Variants in THAP3 observed in about 807,000 individuals in gnomAD.
THAP3 encodes THAP domain-containing protein 3.
In THAP3, 12 loss-of-function variants were observed where a neutral mutation model predicts 17.7. The ratio of observed to expected loss-of-function variants is 0.68; its 90% CI spans 0.43 to 1.10. The LOEUF is 1.10. Among genes scored for constraint, THAP3 ranks in the 50% least tolerant of loss-of-function variants. The pLI, the probability that THAP3 is intolerant of heterozygous loss-of-function variation, is 0.00. For synonymous variants in THAP3, 133 were observed against 126.9 expected, an observed-to-expected ratio of 1.05 and a Z score of -0.32; for missense variants, 289 against 318.0, an observed-to-expected ratio of 0.91 and a Z score of 0.69.
chr1:6,634,462 C>A, downstream of THAP3: 1 of 1,307,522 alleles, frequency 7.6e-7, no homozygotes, highest in East Asian at 5.0e-5. Flanking sequence ...GGAGGCCTGA[C>A]TTCAGCAACA....
At chr1:6,628,336 G>A in intron 2 of THAP3, 163 bp from the exon 3 acceptor site, 1 of 633,562 alleles carries the variant, frequency 1.6e-6, no homozygotes, top group South Asian at 2.2e-5. Context: ...TTTAACAGCT[G>A]TGACAGAAGC....
chr1:6,633,275 A>G lies in THAP3; in HGVS notation c.*198A>G, dbSNP rs1052041899. On this transcript the variant is annotated 3_prime_UTR_variant, in exon 6 of 6. Coordinates refer to ENST00000054650, the MANE Select transcript of THAP3 (RefSeq NM_001195753.2). ...TCTGGGGGACGTTTAGAGGCGTGGC[A>G]CTAGGAGTGCACATCTGTGAGCATG... 1 of 1,432,540 alleles carries G rather than the reference A, an allele frequency of 7.0e-7. No homozygotes were observed. The allele number at this position is 1,432,540 out of a possible 1,614,324, so 88.7% of individuals were successfully genotyped here.
At chr1:6,634,153 G>GGAA (rs1246395483), downstream of THAP3, 16 of 1,411,990 alleles carry the variant, frequency 1.1e-5, no homozygotes, top group Non-Finnish European at 1.3e-5. Context: ...CACAATACAC[G>GGAA]GAAGAGCGCC....
Position 6,632,840 on chromosome 1 carries a change from G to T in THAP3, c.483G>T (p.Pro161=). Residue 161 remains proline, a synonymous_variant, in exon 6 of 6, where the codon CCG becomes CCT. Transcript: ENST00000054650. ...AAGCAACAGAGGCTGTTGGCCGGCCGACTGGCCCTGCAGGCCTGAGAAGGA... is the reference window on the plus strand; with the variant it reads ...AAGCAACAGAGGCTGTTGGCCGGCCTACTGGCCCTGCAGGCCTGAGAAGGA... ...RPQATEAVGR[P]TGPAGLRRTP... The T allele has an allele frequency of 6.2e-7, 1 of 1,612,940 alleles. No homozygotes were observed.
chr1:6,628,763 G>C, intron 3 of THAP3, 72 bp downstream of exon 3: 3 of 1,477,296 alleles, frequency 2.0e-6, no homozygotes, highest in Non-Finnish European at 2.7e-6. Flanking sequence ...GGGGCAGTGG[G>C]GGTGGCGGCA....
downstream of THAP3, chr1:6,634,292 T>G (rs1641709846): frequency 1.1e-6 from 1 of 900,110 alleles, no homozygotes; most frequent in East Asian, 2.7e-5. Context: ...GGGCCCAGGC[T>G]CATGCAACAC....
At chr1:6,635,514 G>A (rs947064359), downstream of THAP3, 2 of 759,900 alleles carry the variant, frequency 2.6e-6, no homozygotes, top group Middle Eastern at 7.0e-4. Flanking sequence ...CTCAAAAGCT[G>A]GGGTGTCTGC....
intron 3 of THAP3, 58 bp downstream of exon 3, chr1:6,628,749 G>T: frequency 3.3e-6 from 5 of 1,532,646 alleles, no homozygotes; most frequent in Non-Finnish European, 4.4e-6. Context: ...TTTACCAGCA[G>T]CTGGGGGCAG....
chr1:6,634,760 C>CA, downstream of THAP3: 9 of 1,337,220 alleles, frequency 6.7e-6, no homozygotes, highest in Non-Finnish European at 8.9e-6. Flanking sequence ...GCTGGACCTG[C>CA]AGGAGCGGGG....
Position 6,632,940 on chromosome 1 carries a change from ACTCTG to A in THAP3, c.584_588del (p.Thr195LysfsTer4). ...TTCCCTGAAGAAAAAACTCTTCCTC[ACTCTG>A]AAGGAAAATGAAAAGCTCCGGAAGC... On this transcript the variant is annotated frameshift_variant, in exon 6 of 6. Transcript: ENST00000054650. LOFTEE classifies it low-confidence loss of function (END_TRUNC). 6.2e-7 allele frequency: 1 copy of A among 1,612,694 alleles called. No homozygotes were observed. Among genetic ancestry groups the A allele is most frequent in the Non-Finnish European group, 8.5e-7 (1 of 1,179,852 alleles).
downstream of THAP3, chr1:6,634,518 CAGCT>C (rs1264530986): frequency 7.4e-7 from 1 of 1,357,674 alleles, no homozygotes; most frequent in South Asian, 1.2e-5. Flanking sequence ...CCCCCCGCGC[CAGCT>C]GTCTCAGCCA....
downstream of THAP3, chr1:6,634,523 G>T: frequency 2.9e-6 from 4 of 1,360,688 alleles, no homozygotes; most frequent in Non-Finnish European, 3.9e-6. Context: ...CGCGCCAGCT[G>T]TCTCAGCCAC....
rs1295405699 is a variant in THAP3 at position 6,624,923 on chromosome 1, G to C, written c.-101G>C. The C allele has an allele frequency of 2.2e-6, 1 of 447,860 alleles. No homozygotes were observed. The highest frequency in any genetic ancestry group is 4.0e-6 in the Non-Finnish European group (1 of 249,396). The allele number at this position is 447,860 out of a possible 1,614,324, so 27.7% of individuals were successfully genotyped here. On this transcript the variant is annotated 5_prime_UTR_variant, in exon 1 of 6. Coordinates refer to ENST00000054650, the MANE Select transcript of THAP3 (RefSeq NM_001195753.2). ...GTCCTGGTTGGGTGCTCAAAGCAAG[G>C]AGGTGAAAGGCGACCAGCATTGGCG...
At chr1:6,626,237 C>T (rs1369696901) in intron 2 of THAP3, among the ~76,000 whole-genome samples, 1 of 152,116 alleles carries the variant, frequency 6.6e-6, no homozygotes, top group East Asian at 1.9e-4. Context: ...TTGAACCCAG[C>T]TTCGAGGCTG....
intron 2 of THAP3, among the ~76,000 whole-genome samples, chr1:6,626,575 C>G (rs1290059670): frequency 6.6e-6 from 1 of 151,738 alleles, no homozygotes; most frequent in African/African-American, 2.4e-5. Flanking sequence ...TGGTGGCTCA[C>G]GCCTGTAATC....
At chr1:6,630,482 G>A (rs980564953) in intron 4 of THAP3, 129 bp downstream of exon 4, 6 of 852,460 alleles carry the variant, frequency 7.0e-6, no homozygotes, top group Middle Eastern at 3.2e-4. Flanking sequence ...TTGGATTCCC[G>A]GTTTTTCTGG....
At chr1:6,634,228 A>G, downstream of THAP3, 1 of 924,904 alleles carries the variant, frequency 1.1e-6, no homozygotes, top group East Asian at 2.6e-5. Flanking sequence ...TGCAAATGAA[A>G]CGCAGAGGAT....
chr1:6,630,591 T>G (rs1039156317), intron 4 of THAP3, among the ~76,000 whole-genome samples: 1 of 152,208 alleles, frequency 6.6e-6, no homozygotes. Flanking sequence ...TTTCTTTTTT[T>G]TGAGACTGAG....
intron 4 of THAP3, among the ~76,000 whole-genome samples, chr1:6,631,819 G>A (rs183290332): frequency 1.6e-4 from 24 of 152,134 alleles, no homozygotes; most frequent in Admixed American, 2.6e-4. Context: ...CCCAGGGGGC[G>A]GAGGTTGCAG....
Sources: gnomAD v4.1 joint callset for allele counts (sites outside exome capture counted in the v4.1 genomes callset) on GRCh38, gnomAD v4.1.1 for gene constraint, MANE v1.5 for transcripts, NCBI Gene and HGNC (gene_info 2026-07-23, HGNC 2026-07-21) for gene names.